The following PODXL variants were observed in gnomAD, a reference collection of about 807,000 sequenced individuals.
PODXL encodes the protein podocalyxin.
In PODXL, 20 loss-of-function variants were observed where a neutral mutation model predicts 48.9. The observed-to-expected ratio is 0.41, with a 90% confidence interval of 0.29 to 0.59. The LOEUF (loss-of-function observed/expected upper bound fraction) is 0.59. Among genes scored for constraint, PODXL ranks in the 20% least tolerant of loss-of-function variants. PODXL has a pLI of 0.31. For missense variants in PODXL, 606 were observed against 675.1 expected, an observed-to-expected ratio of 0.90 and a Z score of 1.13; for synonymous variants, 295 against 287.4, an observed-to-expected ratio of 1.03 and a Z score of -0.27.
intron 1 of PODXL, among the ~76,000 whole-genome samples, chr7:131,546,411 C>T (rs1021244339): frequency 1.3e-5 from 2 of 152,106 alleles, no homozygotes; most frequent in Non-Finnish European, 2.9e-5. Context: ...CTGCCAGGAT[C>T]GGGGTGCAGG....
At position 131,504,388 on chromosome 7, in the gene PODXL, G is replaced by A; in HGVS notation, c.1600C>T (p.Leu534=). 10 of 1,614,178 alleles carry A rather than the reference G, an allele frequency of 6.2e-6. No individual in the cohort carries two copies. The highest frequency in any genetic ancestry group is 8.5e-6 in the Non-Finnish European group (10 of 1,180,034). ...AGAGGGACGATCCAGCTGTCCCCCAGCTCCCCGTTGAGGCTGACCACCTTC... is the reference window on the plus strand; with the variant it reads ...AGAGGGACGATCCAGCTGTCCCCCAACTCCCCGTTGAGGCTGACCACCTTC... ...EKKVVSLNGE[L]GDSWIVPLDN... Residue 534 remains leucine (L), a synonymous_variant, in exon 9 of 9, where the codon CTG becomes TTG. Coordinates refer to ENST00000378555, the MANE Select transcript of PODXL (RefSeq NM_001018111.3).
chr7:131,548,927 G>A (rs1350046069), intron 1 of PODXL, among the ~76,000 whole-genome samples: 1 of 152,200 alleles, frequency 6.6e-6, no homozygotes, highest in African/African-American at 2.4e-5. Flanking sequence ...AGCCAGCCCT[G>A]ACACCTACTC....
At chr7:131,555,528 GAAGTTCCCGTTTGAAC>G (rs893359211) in intron 1 of PODXL, among the ~76,000 whole-genome samples, 67 of 152,308 alleles carry the variant, frequency 4.4e-4, no homozygotes, top group Admixed American at 9.8e-4. Context: ...CTACGAGAGA[GAAGTTCCCGTTTGAAC>G]AAGTTCCCGT....
chr7:131,534,780 T>C (rs1798343024), intron 1 of PODXL, among the ~76,000 whole-genome samples: 1 of 152,204 alleles, frequency 6.6e-6, no homozygotes, highest in Admixed American at 6.5e-5. Flanking sequence ...CCGGGTGTGG[T>C]GGCTCACACC....
chr7:131,534,058 TC>T (rs1170080521), intron 1 of PODXL, among the ~76,000 whole-genome samples: 2 of 138,720 alleles, frequency 1.4e-5, no homozygotes, highest in Non-Finnish European at 3.2e-5. Flanking sequence ...GCACCCCACC[TC>T]CCCTTACCCG....
intron 1 of PODXL, among the ~76,000 whole-genome samples, chr7:131,551,028 T>C (rs1798661005): frequency 6.6e-6 from 1 of 152,302 alleles, no homozygotes; most frequent in Middle Eastern, 3.4e-3. Context: ...GAATTCCACA[T>C]TGCACAGCCT....
At chr7:131,551,027 A>G (rs1281592244) in intron 1 of PODXL, among the ~76,000 whole-genome samples, 1 of 152,174 alleles carries the variant, frequency 6.6e-6, no homozygotes, top group Non-Finnish European at 1.5e-5. Context: ...CGAATTCCAC[A>G]TTGCACAGCC....
intron 6 of PODXL, 73 bp from the exon 7 acceptor site, chr7:131,506,394 A>G: frequency 6.7e-7 from 1 of 1,502,064 alleles, no homozygotes; most frequent in Non-Finnish European, 9.3e-7. Flanking sequence ...CTGCGCCCCA[A>G]GAGAGGGACG....
chr7:131,529,145 G>A (rs1798233296), intron 1 of PODXL, among the ~76,000 whole-genome samples: 2 of 152,146 alleles, frequency 1.3e-5, no homozygotes, highest in African/African-American at 4.8e-5. Flanking sequence ...GAGTACTGGA[G>A]TCACCAAGAA....
At position 131,509,656 on chromosome 7, in the gene PODXL, T is replaced by C. The variant is rs1360977280; in HGVS notation, c.803-71A>G. On this transcript the variant is annotated intron_variant, in intron 3 of 8. Transcript: ENST00000378555. ...TTGCGAGAAGAGGACAATCTTTTCT[T>C]GCTCTAATAGTTTTCCCAGGTTCTT... is the stretch of plus-strand genomic sequence containing the variant. 4 of 1,076,622 alleles carry C rather than the reference T, an allele frequency of 3.7e-6. No homozygotes were observed. In the East Asian group the frequency reaches 9.8e-5, roughly 26 times the overall value. The allele number at this position is 1,076,622 out of a possible 1,614,324, so 66.7% of individuals were successfully genotyped here.
At chr7:131,512,727 C>T (rs1481716783) in intron 1 of PODXL, among the ~76,000 whole-genome samples, 1 of 152,160 alleles carries the variant, frequency 6.6e-6, no homozygotes, top group Non-Finnish European at 1.5e-5. Flanking sequence ...CCTTTAATCC[C>T]AGCACTTTGG....
chr7:131,504,191 G>A lies in PODXL; in HGVS notation c.*120C>T. ...AAAATTAAGGCCCTGGGGGGATTGGGAGGGGACACCCCTCGGAGTTCACTC... is the reference window on the plus strand; with the variant it reads ...AAAATTAAGGCCCTGGGGGGATTGGAAGGGGACACCCCTCGGAGTTCACTC... On this transcript the variant is annotated 3_prime_UTR_variant, in exon 9 of 9. Coordinates refer to ENST00000378555, the MANE Select transcript of PODXL (RefSeq NM_001018111.3). 1 of 755,868 alleles carries A rather than the reference G, an allele frequency of 1.3e-6. No individual in the cohort carries two copies. 46.8% of individuals were successfully genotyped at this position (755,868 alleles called of 1,614,324 possible). A position where few individuals can be genotyped will look rare whatever the true frequency, so the allele number is the denominator to read the frequency against.
intron 1 of PODXL, among the ~76,000 whole-genome samples, chr7:131,551,528 G>A (rs563038519): frequency 6.6e-6 from 1 of 152,310 alleles, no homozygotes; most frequent in Non-Finnish European, 1.5e-5. Flanking sequence ...CCTGAAGAGG[G>A]CCTCTGCCTC....
chr7:131,554,018 G>C (rs979966645), intron 1 of PODXL, among the ~76,000 whole-genome samples: 1 of 152,146 alleles, frequency 6.6e-6, no homozygotes, highest in Non-Finnish European at 1.5e-5. Flanking sequence ...TGGGGGAGAG[G>C]GGCAGGGATG....
intron 1 of PODXL, among the ~76,000 whole-genome samples, chr7:131,515,765 C>T (rs1286687815): frequency 6.6e-6 from 1 of 151,652 alleles, no homozygotes; most frequent in Non-Finnish European, 1.5e-5. Context: ...CATAAATCTC[C>T]ATCTTCAATG....
chr7:131,514,366 T>C (rs777304014), intron 1 of PODXL, among the ~76,000 whole-genome samples: 1 of 152,002 alleles, frequency 6.6e-6, no homozygotes. Flanking sequence ...TGAGCCAAGA[T>C]TGTGCCACTG....
intron 1 of PODXL, among the ~76,000 whole-genome samples, chr7:131,521,097 G>T (rs907481924): frequency 6.6e-6 from 1 of 151,648 alleles, no homozygotes; most frequent in African/African-American, 2.4e-5. Context: ...GAACCCAGGA[G>T]GCAGAGACTA....
intron 5 of PODXL, 53 bp from the exon 6 acceptor site, chr7:131,506,779 G>A (rs1337286438): frequency 4.5e-6 from 7 of 1,550,670 alleles, no homozygotes; most frequent in Non-Finnish European, 6.1e-6. Flanking sequence ...AGCAGCCTAG[G>A]CCTGTGGGGC....
rs188808186 is a variant in PODXL, at chr7:131,539,123, G to A, written c.100+17137C>T. Among the ~76,000 whole-genome samples the A allele has an allele frequency of 4.3e-3, 662 of 152,302 alleles. 4 individuals carry two copies. The highest frequency in any genetic ancestry group is 6.8e-3 in the Middle Eastern group (2 of 294). ...CACCACCACAGGACAGCACCCGGGG[G>A]AGGTGGCAGAGTGGCCACTCGCCCT... is the stretch of plus-strand genomic sequence containing the variant. On this transcript the variant is annotated intron_variant, in intron 1 of 8. Transcript: ENST00000378555.
Sources: gnomAD v4.1 joint callset for allele counts (sites outside exome capture counted in the v4.1 genomes callset) on GRCh38, gnomAD v4.1.1 for gene constraint, MANE v1.5 for transcripts, NCBI Gene and HGNC (gene_info 2026-07-23, HGNC 2026-07-21) for gene names.